The following ARHGAP12 variants were observed in gnomAD, a reference collection of about 807,000 sequenced individuals.
ARHGAP12 encodes the protein rho GTPase-activating protein 12.
A neutral mutation model predicts 108.6 loss-of-function variants in ARHGAP12; 64 were observed. The ratio of observed to expected loss-of-function variants is 0.59; its 90% CI spans 0.48 to 0.73. The LOEUF (loss-of-function observed/expected upper bound fraction) is 0.73, where lower values mean the gene tolerates loss of function less well. Among genes scored for constraint, ARHGAP12 ranks in the 30% least tolerant of loss-of-function variants. The pLI, the probability that ARHGAP12 is intolerant of heterozygous loss-of-function variation, is 0.00. For missense variants in ARHGAP12, 940 were observed against 1,005.9 expected (o/e 0.93, Z 0.89); for synonymous variants, 312 against 337.2 (o/e 0.93, Z 0.82).
At chr10:31,841,503 G>T (rs1836266243) in intron 7 of ARHGAP12, among the ~76,000 whole-genome samples, 1 of 152,222 alleles carries the variant, frequency 6.6e-6, no homozygotes, top group South Asian at 2.1e-4. Flanking sequence ...CTGCACAGAG[G>T]CATCTAGCCC....
intron 11 of ARHGAP12, among the ~76,000 whole-genome samples, chr10:31,826,022 A>G (rs2255555): frequency 0.2 from 30,215 of 152,106 alleles, 3,319 homozygotes; most frequent in East Asian, 0.38. Flanking sequence ...AAAATGAATC[A>G]AGAAATGTAT....
chr10:31,927,039 C>T (rs995636089), intron 1 of ARHGAP12, among the ~76,000 whole-genome samples: 79 of 152,314 alleles, frequency 5.2e-4, no homozygotes, highest in African/African-American at 1.9e-3. Flanking sequence ...TACATACACA[C>T]ATTATATTAC....
chr10:31,869,494 ACC>A (rs1383513923), intron 3 of ARHGAP12, among the ~76,000 whole-genome samples: 1 of 151,962 alleles, frequency 6.6e-6, no homozygotes, highest in Non-Finnish European at 1.5e-5. Flanking sequence ...CCAAGACTAC[ACC>A]ACTGCACTCC....
At chr10:31,866,982 A>G (rs1393990356) in intron 3 of ARHGAP12, among the ~76,000 whole-genome samples, 1 of 152,220 alleles carries the variant, frequency 6.6e-6, no homozygotes, top group Admixed American at 6.5e-5. Context: ...ATAAACCAAG[A>G]AACAGGTGGA....
At chr10:31,927,248 TG>T (rs1211829556) in intron 1 of ARHGAP12, among the ~76,000 whole-genome samples, 5 of 44,190 alleles carry the variant, frequency 1.1e-4, no homozygotes, top group African/African-American at 7.5e-4. Flanking sequence ...ATAGCCAAAA[TG>T]CCTATTCAGA....
At chr10:31,881,946 G>A (rs1411147404) in intron 3 of ARHGAP12, among the ~76,000 whole-genome samples, 4 of 141,298 alleles carry the variant, frequency 2.8e-5, no homozygotes, top group Admixed American at 1.5e-4. Context: ...ACGGAGTCTC[G>A]CTCTGTCGCC....
At chr10:31,823,319 T>C (rs1408871536) in intron 11 of ARHGAP12, among the ~76,000 whole-genome samples, 1 of 152,176 alleles carries the variant, frequency 6.6e-6, no homozygotes, top group Non-Finnish European at 1.5e-5. Flanking sequence ...GGATAACCGT[T>C]TTCCAGAAAA....
At chr10:31,906,407 A>C (rs1839134534) in intron 3 of ARHGAP12, among the ~76,000 whole-genome samples, 1 of 152,220 alleles carries the variant, frequency 6.6e-6, no homozygotes, top group African/African-American at 2.4e-5. Flanking sequence ...AAACACACAG[A>C]GGTTCAGTGA....
intron 3 of ARHGAP12, among the ~76,000 whole-genome samples, chr10:31,906,048 A>C (rs1344201814): frequency 6.6e-6 from 1 of 152,120 alleles, no homozygotes; most frequent in African/African-American, 2.4e-5. Flanking sequence ...TGAGGACTAA[A>C]GGACAATGCA....
chr10:31,845,554 A>G lies in ARHGAP12; in HGVS notation c.1171-1968T>C, dbSNP rs184748611. 9.9e-4 allele frequency among the ~76,000 whole-genome samples: 150 copies of G among 152,192 alleles called. 2 individuals are homozygous for G. The South Asian group carries it at 0.022, about 23-fold the overall frequency. ...AATCCCAACACTTTGGGAGGCTGAG[A>G]TGGGTGGATCACCTGAGGTCAGGAA... On this transcript the variant is annotated intron_variant, in intron 6 of 19. Transcript: ENST00000344936.
intron 11 of ARHGAP12, among the ~76,000 whole-genome samples, chr10:31,820,792 ACTATGTTGGTGAGG>A (rs1157219837): frequency 1.3e-5 from 2 of 150,792 alleles, no homozygotes; most frequent in Non-Finnish European, 3.0e-5. Flanking sequence ...TTTTTTCAAA[ACTATGTTGGTGAGG>A]CTATAGACTA....
intron 6 of ARHGAP12, among the ~76,000 whole-genome samples, chr10:31,846,899 ATTTTTTTTTTTT>A (rs377177944): frequency 2.4e-5 from 2 of 84,630 alleles, no homozygotes; most frequent in African/African-American, 9.6e-5. Flanking sequence ...GGCACTGTTC[ATTTTTTTTTTTT>A]TTTTTTTTTT....
rs1288668409 is a variant in ARHGAP12, at chr10:31,861,570, G to C, written c.773C>G (p.Pro258Arg). 1.2e-6 allele frequency: 2 copies of C among 1,614,038 alleles called. No homozygotes were observed. Among genetic ancestry groups the C allele is most frequent in the African/African-American group, 2.7e-5 (2 of 74,906 alleles). ...CTGAATTGCCGGGCTCCCAGGAAGT[G>C]GGGGAAGAGCAGACTGGGATATTTT... Reference protein sequence around the residue: ...ELKISQSALPPLPGSPAIQIN... With the variant: ...ELKISQSALPRLPGSPAIQIN... Residue 258 changes from proline to arginine, a missense_variant, in exon 4 of 20, where the codon CCA becomes CGA. Physicochemically the swap from Pro to Arg is moderately radical, Grantham distance 103. Transcript: ENST00000344936.
At chr10:31,905,452 G>C (rs1239217311) in intron 3 of ARHGAP12, among the ~76,000 whole-genome samples, 1 of 152,120 alleles carries the variant, frequency 6.6e-6, no homozygotes, top group African/African-American at 2.4e-5. Flanking sequence ...AAACAGTTTG[G>C]GTGGTGTGGT....
intron 4 of ARHGAP12, among the ~76,000 whole-genome samples, chr10:31,856,960 T>C (rs543649787): frequency 3.0e-4 from 45 of 152,188 alleles, no homozygotes; most frequent in Non-Finnish European, 4.7e-4. Flanking sequence ...ACAATGAATA[T>C]TAGCCATGTA....
intron 1 of ARHGAP12, among the ~76,000 whole-genome samples, chr10:31,923,517 A>G (rs148988740): frequency 1.1e-4 from 17 of 152,382 alleles, no homozygotes; most frequent in Non-Finnish European, 2.1e-4. Flanking sequence ...TTCATCTGTA[A>G]CAAAGAGAAA....
Position 31,807,572 on chromosome 10 carries a change from G to T in ARHGAP12, c.*86C>A. The T allele has an allele frequency of 1.5e-6, 2 of 1,376,532 alleles. No homozygotes were observed. Among genetic ancestry groups the T allele is most frequent in the Middle Eastern group, 1.8e-4 (1 of 5,494 alleles). The allele number at this position is 1,376,532 out of a possible 1,614,324, so 85.3% of individuals were successfully genotyped here. A position where few individuals can be genotyped will look rare whatever the true frequency, so the allele number is the denominator to read the frequency against. ...GTGCAAAATCAAAGAGTCACTGCTT[G>T]GTCCAAAAAATAAAATACATTGTGT... On this transcript the variant is annotated 3_prime_UTR_variant, in exon 20 of 20. Transcript: ENST00000344936.
intron 3 of ARHGAP12, among the ~76,000 whole-genome samples, chr10:31,886,416 A>G (rs1838191764): frequency 6.6e-6 from 1 of 152,172 alleles, no homozygotes; most frequent in African/African-American, 2.4e-5. Context: ...TCTGATACCC[A>G]AGCCAAATGA....
chr10:31,808,040 T>C (rs1461614205), intron 19 of ARHGAP12, among the ~76,000 whole-genome samples: 1 of 152,176 alleles, frequency 6.6e-6, no homozygotes, highest in Non-Finnish European at 1.5e-5. Flanking sequence ...AAAGATACAA[T>C]TAAGCATACT....
Sources: allele counts gnomAD v4.1 joint callset (sites outside exome capture counted in the v4.1 genomes callset), GRCh38; gene constraint gnomAD v4.1.1; transcripts MANE v1.5; gene names NCBI Gene and HGNC (gene_info 2026-07-23, HGNC 2026-07-21).